Variants in PPFIA1 observed in about 807,000 individuals in gnomAD.
The protein encoded by PPFIA1 is PPFI scaffold protein A1, also known as liprin-alpha-1.
Under a neutral mutation model 149.9 loss-of-function variants are expected in PPFIA1, and 25 were observed. The ratio of observed to expected loss-of-function variants is 0.17; its 90% confidence interval spans 0.12 to 0.23. The LOEUF is 0.23. Ranked by LOEUF, PPFIA1 falls within the 10% of genes least tolerant of loss-of-function variation. The pLI is 1.00. For synonymous variants in PPFIA1, 549 were observed against 552.8 expected (o/e 0.99, Z 0.10); for missense variants, 1,362 against 1,506.5 (o/e 0.90, Z 1.59).
intron 14 of PPFIA1, chr11:70,341,166 T>G: frequency 3.2e-6 from 1 of 315,090 alleles, no homozygotes; most frequent in Non-Finnish European, 6.1e-6. Context: ...TTTTAAACGA[T>G]CCCTGTACGT....
chr11:70,363,694 C>T (rs1565450915), intron 21 of PPFIA1, among the ~76,000 whole-genome samples: 1 of 151,796 alleles, frequency 6.6e-6, no homozygotes, highest in African/African-American at 2.4e-5. Flanking sequence ...CTAAAAACTT[C>T]TTAGAGACAG....
At chr11:70,380,344 GA>G (rs1451492992) in intron 26 of PPFIA1, among the ~76,000 whole-genome samples, 1 of 151,502 alleles carries the variant, frequency 6.6e-6, no homozygotes, top group Non-Finnish European at 1.5e-5. Flanking sequence ...AAGGCGGGAG[GA>G]TCACGAGGTC....
intron 21 of PPFIA1, chr11:70,364,515 G>C (rs1247156644): frequency 6.6e-6 from 1 of 152,164 alleles, no homozygotes; most frequent in Non-Finnish European, 1.5e-5. Context: ...GAGCACGTCA[G>C]CGCTGGATTT....
intron 2 of PPFIA1, among the ~76,000 whole-genome samples, chr11:70,286,835 A>G (rs758802829): frequency 1.1e-4 from 16 of 148,546 alleles, no homozygotes; most frequent in Non-Finnish European, 1.9e-4. Flanking sequence ...GGCTCAAGCA[A>G]TGCTCCTACC....
At position 70,379,282 on chromosome 11, in the gene PPFIA1, C is replaced by T. The variant is rs188599672; in HGVS notation, c.3550+1087C>T. Among the ~76,000 whole-genome samples the T allele has an allele frequency of 2.0e-4, 31 of 151,686 alleles. No individual in the cohort carries two copies. In the East Asian group the frequency reaches 5.0e-3, roughly 25 times the overall value. The stretch of plus-strand genomic sequence containing the variant: ...CAGCCTGACCAACATGGCGAAACCC[C>T]GTCTCTACAAAAAAAAAATACAAAA... On this transcript the variant is annotated intron_variant, in intron 26 of 27. Coordinates refer to ENST00000253925, the MANE Select transcript of PPFIA1 (RefSeq NM_003626.5).
Position 70,300,198 on chromosome 11 carries a change from G to A in PPFIA1, c.265-24204G>A, listed in dbSNP as rs1247451717. Among the ~76,000 whole-genome samples, 6 of 151,892 alleles carry A rather than the reference G, an allele frequency of 4.0e-5. No homozygotes were observed. In the East Asian group the frequency reaches 9.7e-4, roughly 25 times the overall value. On this transcript the variant is annotated intron_variant, in intron 2 of 27. Coordinates refer to ENST00000253925, the MANE Select transcript of PPFIA1 (RefSeq NM_003626.5). ...GGACTCCCTTCTCCTGAGATGTCCCGCAGACTCCTCTTCATTACCATGCGC... is the reference window on the plus strand; with the variant it reads ...GGACTCCCTTCTCCTGAGATGTCCCACAGACTCCTCTTCATTACCATGCGC...
intron 9 of PPFIA1, among the ~76,000 whole-genome samples, chr11:70,332,607 C>G (rs2054732987): frequency 1.3e-5 from 2 of 152,134 alleles, no homozygotes; most frequent in African/African-American, 4.8e-5. Flanking sequence ...CAACTGTTGA[C>G]TAGGCATGTG....
intron 2 of PPFIA1, among the ~76,000 whole-genome samples, chr11:70,290,269 T>G (rs2051439839): frequency 6.6e-6 from 1 of 152,126 alleles, no homozygotes; most frequent in African/African-American, 2.4e-5. Context: ...CACAAAACAT[T>G]TACATGGTTC....
chr11:70,354,274 T>C (rs1312335241), intron 16 of PPFIA1, 27 bp from the exon 17 acceptor site: 2 of 1,591,278 alleles, frequency 1.3e-6, no homozygotes, highest in South Asian at 2.3e-5. Flanking sequence ...TGCTGTTAAC[T>C]AACTTTGCAC....
At chr11:70,313,913 G>T (rs900783991) in intron 2 of PPFIA1, among the ~76,000 whole-genome samples, 2 of 152,160 alleles carry the variant, frequency 1.3e-5, no homozygotes, top group African/African-American at 2.4e-5. Flanking sequence ...AGATACTTGG[G>T]AGACTGAGGC....
chr11:70,297,567 T>G (rs1384978149), intron 2 of PPFIA1, among the ~76,000 whole-genome samples: 1 of 152,192 alleles, frequency 6.6e-6, no homozygotes, highest in African/African-American at 2.4e-5. Context: ...TCAAAATTAC[T>G]CATATTCAAA....
intron 14 of PPFIA1, among the ~76,000 whole-genome samples, chr11:70,343,416 G>A (rs2055477056): frequency 6.6e-6 from 1 of 152,134 alleles, no homozygotes; most frequent in African/African-American, 2.4e-5. Context: ...CCATCTCCCA[G>A]TTGTGTATTT....
rs530606910 is a variant in PPFIA1 at position 70,371,435 on chromosome 11, T to C, written c.2866-780T>C. The C allele has an allele frequency of 3.1e-3, 465 of 147,916 alleles. 31 individuals carry two copies. Among genetic ancestry groups the C allele is most frequent in the Middle Eastern group, 6.7e-3 (2 of 298 alleles). The allele number at this position is 147,916 out of a possible 1,614,324, so 9.2% of individuals were successfully genotyped here. On this transcript the variant is annotated intron_variant, in intron 21 of 27. Coordinates refer to ENST00000253925, the MANE Select transcript of PPFIA1 (RefSeq NM_003626.5). ...TTCTGTTGTTGAGTGGCGTGTTCTA[T>C]GTTCTCTTGTTGGGTGGCGTGTTCT...
intron 2 of PPFIA1, among the ~76,000 whole-genome samples, chr11:70,323,224 C>T (rs1317215418): frequency 1.3e-5 from 2 of 152,118 alleles, no homozygotes; most frequent in Non-Finnish European, 2.9e-5. Flanking sequence ...AATGTTAGTG[C>T]CCTAACATTT....
At chr11:70,368,762 AT>A (rs1414677127) in intron 21 of PPFIA1, among the ~76,000 whole-genome samples, 4 of 152,228 alleles carry the variant, frequency 2.6e-5, no homozygotes, top group African/African-American at 7.2e-5. Flanking sequence ...TATTTTGTAG[AT>A]TCCTTTTCTA....
chr11:70,315,733 C>T (rs1334783478), intron 2 of PPFIA1, among the ~76,000 whole-genome samples: 1 of 120,044 alleles, frequency 8.3e-6, no homozygotes, highest in South Asian at 2.9e-4. Flanking sequence ...GATAAAAATA[C>T]CATCATAACC....
At chr11:70,360,063 G>GT (rs1005174709) in intron 19 of PPFIA1, among the ~76,000 whole-genome samples, 1 of 152,234 alleles carries the variant, frequency 6.6e-6, no homozygotes, top group Non-Finnish European at 1.5e-5. Context: ...GGGGAGGGGA[G>GT]CCAGGACACA....
chr11:70,373,867 AGT>A (rs1418116057), intron 23 of PPFIA1: 1 of 152,216 alleles, frequency 6.6e-6, no homozygotes, highest in Non-Finnish European at 1.5e-5. Context: ...ACATTTATAC[AGT>A]GTGTGTATAT....
intron 13 of PPFIA1, 77 bp downstream of exon 13, chr11:70,338,530 CTG>C (rs1346951269): frequency 8.5e-7 from 1 of 1,178,192 alleles, no homozygotes; most frequent in African/African-American, 1.5e-5. Context: ...GGCAGCCTAA[CTG>C]GATGTGGCTA....
Sources: allele counts gnomAD v4.1 joint callset (sites outside exome capture counted in the v4.1 genomes callset), GRCh38; gene constraint gnomAD v4.1.1; transcripts MANE v1.5; gene names NCBI Gene and HGNC (gene_info 2026-07-23, HGNC 2026-07-21).